Variants in CHRM2 observed in about 807,000 individuals in gnomAD.
CHRM2 encodes cholinergic receptor muscarinic 2, also known as muscarinic acetylcholine receptor M2.
CHRM2 carries 8 observed loss-of-function variants against 25.0 expected under a neutral mutation model. The ratio of observed to expected loss-of-function variants is 0.32; its 90% CI spans 0.19 to 0.58. CHRM2 has a LOEUF of 0.58. CHRM2 is among the 20% of genes least tolerant of loss of function. The probability of loss-of-function intolerance (pLI) is 0.88; values close to 1 mark genes in which losing one functional copy is unlikely to be tolerated. For synonymous variants in CHRM2, 202 were observed against 205.7 expected (o/e 0.98, Z 0.15); for missense variants, 440 against 567.1 (o/e 0.78, Z 2.28).
intron 2 of CHRM2, among the ~76,000 whole-genome samples, chr7:136,901,153 C>A (rs963916167): frequency 6.6e-5 from 10 of 151,976 alleles, no homozygotes; most frequent in Admixed American, 3.9e-4. Context: ...TGTGGGCACC[C>A]CCAAAGTGGA....
At chr7:136,913,218 C>T (rs879943704) in intron 2 of CHRM2, among the ~76,000 whole-genome samples, 11 of 151,728 alleles carry the variant, frequency 7.2e-5, no homozygotes, top group Non-Finnish European at 1.5e-4. Context: ...TAATAAATGC[C>T]TTTGAGCATC....
At chr7:136,979,412 G>A (rs1262754550) in intron 2 of CHRM2, among the ~76,000 whole-genome samples, 1 of 152,170 alleles carries the variant, frequency 6.6e-6, no homozygotes, top group East Asian at 1.9e-4. Context: ...TCACTCTGAT[G>A]ATAGTTTCTT....
At chr7:137,007,801 C>CA (rs1271911939) in intron 3 of CHRM2, among the ~76,000 whole-genome samples, 5 of 152,044 alleles carry the variant, frequency 3.3e-5, no homozygotes, top group Non-Finnish European at 7.4e-5. Flanking sequence ...GCATCAATAT[C>CA]AAAACTGTGT....
intron 2 of CHRM2, among the ~76,000 whole-genome samples, chr7:136,966,070 G>T (rs1801397305): frequency 6.6e-6 from 1 of 151,772 alleles, no homozygotes; most frequent in Non-Finnish European, 1.5e-5. Context: ...TTTCTATGAA[G>T]AATACTGTAA....
intron 3 of CHRM2, among the ~76,000 whole-genome samples, chr7:137,004,658 G>T (rs766244183): frequency 2.0e-5 from 3 of 152,134 alleles, no homozygotes; most frequent in Non-Finnish European, 4.4e-5. Context: ...AGTCTGGAGA[G>T]TTGACTGCCC....
intron 2 of CHRM2, among the ~76,000 whole-genome samples, chr7:136,911,102 T>C (rs1563060639): frequency 6.6e-6 from 1 of 151,934 alleles, no homozygotes; most frequent in Non-Finnish European, 1.5e-5. Context: ...TCCTAAGTTA[T>C]TCATTTAGTG....
chr7:136,938,701 C>CTTGTAGGACT, intron 2 of CHRM2: 1 of 756,164 alleles, frequency 1.3e-6, no homozygotes, highest in South Asian at 1.4e-5. Context: ...AGGTGGACAC[C>CTTGTAGGACT]TTGTAGGACT....
Position 137,015,773 on chromosome 7 carries a change from A to C in CHRM2, c.908A>C (p.Gln303Pro), listed in dbSNP as rs772521126. 6.2e-6 allele frequency: 10 copies of C among 1,613,124 alleles called. No individual in the cohort carries two copies. Among genetic ancestry groups the C allele is most frequent in the Non-Finnish European group, 8.5e-6 (10 of 1,179,516 alleles). ...AATATGAGAGATGATGAAATAACCC[A>C]GGATGAAAACACAGTTTCCACTTCC... is the stretch of plus-strand genomic sequence containing the variant. ...ASNMRDDEIT[Q>P]DENTVSTSLG... Residue 303 changes from glutamine to proline, a missense_variant, in exon 4 of 4, where the codon CAG (glutamine) becomes CCG (proline). Physicochemically the swap from Gln to Pro is moderately conservative, Grantham distance 76. Around this residue, in one of 5 missense-constraint regions of CHRM2, gnomAD observed 261 missense variants for 261.8 expected, o/e 1.00. Transcript: ENST00000680005. The surrounding 1 kb of genome is among the most constrained non-coding windows in gnomAD (Gnocchi z 5.1).
intron 2 of CHRM2, among the ~76,000 whole-genome samples, chr7:136,910,346 G>A (rs1181042763): frequency 6.6e-6 from 1 of 151,786 alleles, no homozygotes; most frequent in Non-Finnish European, 1.5e-5. Flanking sequence ...TGACCCTAGT[G>A]TTTCCTTATT....
intron 2 of CHRM2, among the ~76,000 whole-genome samples, chr7:136,927,461 T>C (rs1200875244): frequency 6.6e-6 from 1 of 152,050 alleles, no homozygotes; most frequent in Admixed American, 6.6e-5. Context: ...TAACATTTGT[T>C]TTGGCACCAA....
intron 3 of CHRM2, among the ~76,000 whole-genome samples, chr7:137,008,247 T>G (rs1014260669): frequency 6.6e-6 from 1 of 152,142 alleles, no homozygotes; most frequent in African/African-American, 2.4e-5. Flanking sequence ...TACCAACCGC[T>G]GGCTCTTCAG....
intron 2 of CHRM2, among the ~76,000 whole-genome samples, chr7:136,930,906 A>G (rs922500649): frequency 1.0e-5 from 1 of 99,764 alleles, no homozygotes; most frequent in Non-Finnish European, 1.9e-5. Context: ...CTCAAAAAAA[A>G]AAAAAAAAAA....
chr7:136,925,699 T>C (rs775749311), intron 2 of CHRM2, among the ~76,000 whole-genome samples: 2 of 152,132 alleles, frequency 1.3e-5, no homozygotes, highest in Non-Finnish European at 2.9e-5. Flanking sequence ...TGCAGAAATA[T>C]TCAGGGCTTT....
intron 2 of CHRM2, among the ~76,000 whole-genome samples, chr7:136,923,517 CAG>C (rs1798570087): frequency 6.6e-6 from 1 of 151,986 alleles, no homozygotes; most frequent in Admixed American, 6.6e-5. Flanking sequence ...ATGTTAAGCA[CAG>C]AGAGTTGAGT....
At chr7:136,917,554 T>C (rs1798192069) in intron 2 of CHRM2, among the ~76,000 whole-genome samples, 2 of 152,008 alleles carry the variant, frequency 1.3e-5, no homozygotes, top group African/African-American at 2.4e-5. Context: ...TAGAACTATA[T>C]TGCACACATT....
In CHRM2 at chr7:136,974,289, G is replaced by A. The variant is rs150670361; in HGVS notation, c.-124-17898G>A. Among the ~76,000 whole-genome samples the A allele has an allele frequency of 1.2e-3, 181 of 152,234 alleles. No individual in the cohort carries two copies. The Middle Eastern group carries it at 0.017, about 14-fold the overall frequency. On this transcript the variant is annotated intron_variant, in intron 2 of 3. Coordinates refer to ENST00000680005, the MANE Select transcript of CHRM2 (RefSeq NM_001006630.2). ...TTTATCCTATAAATATTTACTGAAT[G>A]CCTTCTATGTGCTGGATGCTGTGCT...
intron 2 of CHRM2, among the ~76,000 whole-genome samples, chr7:136,889,289 A>T (rs1246542052): frequency 6.6e-6 from 1 of 151,950 alleles, no homozygotes; most frequent in African/African-American, 2.4e-5. Flanking sequence ...GCACTGGGGG[A>T]ACCACTTCTT....
chr7:136,908,851 T>C (rs1373632945), intron 2 of CHRM2, among the ~76,000 whole-genome samples: 1 of 151,960 alleles, frequency 6.6e-6, no homozygotes, highest in African/African-American at 2.4e-5. Context: ...TATTAGAGAA[T>C]AGACTTGTAG....
intron 2 of CHRM2, among the ~76,000 whole-genome samples, chr7:136,885,558 T>C (rs1455842939): frequency 2.6e-5 from 4 of 152,234 alleles, no homozygotes; most frequent in South Asian, 4.1e-4. Context: ...GTGACAGATA[T>C]TAATGCACTA....
Sources: allele counts gnomAD v4.1 joint callset (sites outside exome capture counted in the v4.1 genomes callset), GRCh38; gene constraint gnomAD v4.1.1; regional missense constraint gnomAD v4.1.1; non-coding constraint Gnocchi (gnomAD v3.1); transcripts MANE v1.5; gene names NCBI Gene and HGNC (gene_info 2026-07-23, HGNC 2026-07-21).